The following IRAK1BP1 variants were observed in gnomAD, a reference collection of about 807,000 sequenced individuals.
IRAK1BP1 encodes the protein interleukin 1 receptor associated kinase 1 binding protein 1, also known as interleukin-1 receptor-associated kinase 1-binding protein 1.
IRAK1BP1 carries 24 observed loss-of-function variants against 28.0 expected under a neutral mutation model. The ratio of observed to expected loss-of-function variants is 0.86; its 90% CI spans 0.62 to 1.20. IRAK1BP1 has a LOEUF of 1.20. IRAK1BP1 is among the 50% of genes most tolerant of loss of function. The probability of loss-of-function intolerance (pLI) is 0.00; values close to 1 mark genes in which losing one functional copy is unlikely to be tolerated. For synonymous variants in IRAK1BP1, 131 were observed against 116.3 expected, an observed-to-expected ratio of 1.13 and a Z score of -0.81; for missense variants, 336 against 316.7, an observed-to-expected ratio of 1.06 and a Z score of -0.46.
the IRAK1BP1 span, chr6:78,958,706 C>G: frequency 1.4e-6 from 1 of 713,104 alleles, no homozygotes; most frequent in East Asian, 2.6e-5. Context: ...TCTAAACCAA[C>G]TGTAAAAACC....
chr6:78,896,889 T>C (rs1489436388), intron 2 of IRAK1BP1, among the ~76,000 whole-genome samples: 1 of 152,000 alleles, frequency 6.6e-6, no homozygotes, highest in Non-Finnish European at 1.5e-5. Context: ...GGTTATCTTA[T>C]GTCTCTCTCT....
chr6:78,946,673 T>A (rs1193567316), downstream of IRAK1BP1: 1 of 1,502,156 alleles, frequency 6.7e-7, no homozygotes, highest in Non-Finnish European at 8.8e-7. Context: ...AGATGAAAGT[T>A]ATAGATCAGC....
intron 4 of IRAK1BP1, among the ~76,000 whole-genome samples, chr6:78,915,006 G>GAC (rs1286114598): frequency 6.6e-6 from 1 of 151,984 alleles, no homozygotes; most frequent in Non-Finnish European, 1.5e-5. Context: ...TTTTAGTAGA[G>GAC]ACAGGGTTTT....
chr6:78,911,653 A>T (rs1327296284), intron 4 of IRAK1BP1, among the ~76,000 whole-genome samples: 1 of 152,184 alleles, frequency 6.6e-6, no homozygotes, highest in South Asian at 2.1e-4. Context: ...TCTCCAATGT[A>T]GTCAAGATCA....
the IRAK1BP1 span, chr6:78,963,301 T>C: frequency 6.8e-7 from 1 of 1,461,932 alleles, no homozygotes; most frequent in Non-Finnish European, 9.3e-7. Context: ...CTTATTAGTA[T>C]TCAGGTTAGC....
chr6:78,926,360 T>G (rs991161184), intron 4 of IRAK1BP1, among the ~76,000 whole-genome samples: 5 of 152,156 alleles, frequency 3.3e-5, no homozygotes, highest in African/African-American at 1.2e-4. Context: ...AAAAGACACA[T>G]GCACTTGTAT....
intron 4 of IRAK1BP1, chr6:78,937,286 G>A (rs908921808): frequency 1.3e-5 from 2 of 151,726 alleles, no homozygotes; most frequent in African/African-American, 2.4e-5. Context: ...AAAATGGAAT[G>A]TCAGAATTGA....
rs1478898387 is a variant in IRAK1BP1 at position 78,923,313 on chromosome 6, A to G, written c.*67+20203A>G. On this transcript the variant is annotated intron_variant and NMD_transcript_variant, in intron 4 of 4. Coordinates refer to the IRAK1BP1 transcript ENST00000606868. ...ACAGACTTTAAAGCAACAAAGATCC[A>G]AAGAGACAAGGCCTTTACATAATGG... 2.6e-5 allele frequency among the ~76,000 whole-genome samples: 4 copies of G among 152,202 alleles called. No homozygotes were observed. The South Asian group carries it at 8.3e-4, about 32-fold the overall frequency.
chr6:78,939,468 A>G (rs1773388069), intron 4 of IRAK1BP1: 1 of 151,842 alleles, frequency 6.6e-6, no homozygotes, highest in Admixed American at 6.6e-5. Context: ...AAAATAACCA[A>G]TTTCCCCCTT....
At position 78,899,772 on chromosome 6, in the gene IRAK1BP1, T is replaced by G. The variant is rs180785911; in HGVS notation, c.*1438T>G. On this transcript the variant is annotated 3_prime_UTR_variant, in exon 4 of 4. Coordinates refer to ENST00000369940, the MANE Select transcript of IRAK1BP1 (RefSeq NM_001010844.4). ...ACGCACATTTTTAAAAATAAAACTT[T>G]AAAAAAGAAACAGTTGAAACTAATT... 3 of 152,264 alleles carry G rather than the reference T, an allele frequency of 2.0e-5. No homozygotes were observed. The highest frequency in any genetic ancestry group is 7.2e-5 in the African/African-American group (3 of 41,548). The allele number at this position is 152,264 out of a possible 1,614,324, so 9.4% of individuals were successfully genotyped here.
intron 2 of IRAK1BP1, among the ~76,000 whole-genome samples, chr6:78,897,280 A>T (rs900861537): frequency 6.7e-6 from 1 of 148,746 alleles, no homozygotes; most frequent in Non-Finnish European, 1.5e-5. Context: ...AAAAAAAAAG[A>T]CAAGGTTTAG....
the IRAK1BP1 span, chr6:78,955,575 G>A: frequency 1.4e-6 from 1 of 692,298 alleles, no homozygotes; most frequent in Non-Finnish European, 2.5e-6. Flanking sequence ...TTTATATAGA[G>A]AATATCAATA....
the IRAK1BP1 span, among the ~76,000 whole-genome samples, chr6:78,979,236 A>C: frequency 2.0e-5 from 3 of 152,060 alleles, no homozygotes; most frequent in African/African-American, 4.8e-5. Flanking sequence ...AGAGTTATTC[A>C]ATCTCTCCAA....
At chr6:78,906,423 C>A (rs1772262313), downstream of IRAK1BP1, among the ~76,000 whole-genome samples, 1 of 152,154 alleles carries the variant, frequency 6.6e-6, no homozygotes, top group Admixed American at 6.5e-5. Flanking sequence ...TAAGTGACCT[C>A]ATTTTTCTAC....
At chr6:78,892,338 C>T (rs1771691966) in intron 2 of IRAK1BP1, among the ~76,000 whole-genome samples, 1 of 152,104 alleles carries the variant, frequency 6.6e-6, no homozygotes, top group Non-Finnish European at 1.5e-5. Context: ...TTTCTAATAA[C>T]ACATGCAAGA....
chr6:78,973,647 GAC>G, the IRAK1BP1 span, among the ~76,000 whole-genome samples: 10 of 145,094 alleles, frequency 6.9e-5, no homozygotes, highest in African/African-American at 2.6e-4. Flanking sequence ...CACCTGCAGA[GAC>G]ACACATAGGC....
intron 4 of IRAK1BP1, among the ~76,000 whole-genome samples, chr6:78,924,210 T>C (rs894231451): frequency 6.6e-6 from 1 of 151,898 alleles, no homozygotes; most frequent in African/African-American, 2.4e-5. Flanking sequence ...ATCAAATAGA[T>C]GCAATAAAAA....
chr6:78,868,835 TTTTATAGAGTA>T (rs1770688998), intron 1 of IRAK1BP1, among the ~76,000 whole-genome samples: 1 of 152,204 alleles, frequency 6.6e-6, no homozygotes, highest in Non-Finnish European at 1.5e-5. Flanking sequence ...AGTTTTCTCA[TTTTATAGAGTA>T]GGACCCCAAA....
intron 4 of IRAK1BP1, among the ~76,000 whole-genome samples, chr6:78,919,417 A>G (rs1313607522): frequency 3.9e-5 from 6 of 152,224 alleles, no homozygotes; most frequent in African/African-American, 1.2e-4. Context: ...GGCTCTTTGA[A>G]AGGATAAACA....
Sources: allele counts gnomAD v4.1 joint callset (sites outside exome capture counted in the v4.1 genomes callset), GRCh38; gene constraint gnomAD v4.1.1; transcripts MANE v1.5; gene names NCBI Gene and HGNC (gene_info 2026-07-23, HGNC 2026-07-21).